The following DLG2 variants were observed in gnomAD, a reference collection of about 807,000 sequenced individuals.
DLG2 encodes disks large homolog 2.
In DLG2, 45 loss-of-function variants were observed where a neutral mutation model predicts 132.5. The ratio of observed to expected loss-of-function variants is 0.34; its 90% CI spans 0.27 to 0.44. DLG2 has a LOEUF of 0.44. Ranked by LOEUF, DLG2 falls within the 20% of genes least tolerant of loss-of-function variation. The pLI, the probability that DLG2 is intolerant of heterozygous loss-of-function variation, is 1.00. For synonymous variants in DLG2, 424 were observed against 419.6 expected, an observed-to-expected ratio of 1.01 and a Z score of -0.13; for missense variants, 1,045 against 1,196.9, an observed-to-expected ratio of 0.87 and a Z score of 1.87.
chr11:85,166,778 C>G (rs1056470178), intron 4 of DLG2, among the ~76,000 whole-genome samples: 2 of 152,050 alleles, frequency 1.3e-5, no homozygotes, highest in Non-Finnish European at 2.9e-5. Context: ...AAAGTGAATG[C>G]CCATAGATAT....
intron 22 of DLG2, chr11:83,480,551 A>T (rs2093018338): frequency 2.6e-6 from 4 of 1,536,010 alleles, no homozygotes; most frequent in Non-Finnish European, 3.5e-6. Context: ...TGCATTAAGA[A>T]AACTCAGATA....
chr11:85,302,742 A>T (rs1226076904), intron 3 of DLG2, among the ~76,000 whole-genome samples: 1 of 152,100 alleles, frequency 6.6e-6, no homozygotes, highest in Non-Finnish European at 1.5e-5. Context: ...AGTAGAGATG[A>T]GATTTGGGAG....
chr11:83,679,207 C>T (rs1296782795), intron 18 of DLG2, among the ~76,000 whole-genome samples: 2 of 152,046 alleles, frequency 1.3e-5, no homozygotes, highest in African/African-American at 2.4e-5. Flanking sequence ...CATTTGATAA[C>T]GGAAAGCAAA....
At chr11:85,162,670 G>T (rs187043810) in intron 4 of DLG2, among the ~76,000 whole-genome samples, 23 of 152,282 alleles carry the variant, frequency 1.5e-4, no homozygotes, top group African/African-American at 4.8e-4. Flanking sequence ...TTATGTAGTA[G>T]TATTTGGGTT....
chr11:83,761,899 A>G (rs546156551), intron 18 of DLG2, among the ~76,000 whole-genome samples: 2 of 152,270 alleles, frequency 1.3e-5, no homozygotes, highest in Admixed American at 6.5e-5. Flanking sequence ...TTTCCCTTCC[A>G]GTTCTTACTT....
intron 18 of DLG2, among the ~76,000 whole-genome samples, chr11:83,704,549 G>A (rs941183356): frequency 6.6e-6 from 1 of 151,786 alleles, no homozygotes; most frequent in African/African-American, 2.4e-5. Flanking sequence ...GACTGAGGTG[G>A]CTCATACCTG....
chr11:83,817,307 T>C (rs1440416915), intron 17 of DLG2, among the ~76,000 whole-genome samples: 3 of 152,116 alleles, frequency 2.0e-5, no homozygotes, highest in Admixed American at 6.6e-5. Flanking sequence ...TTAGAGAATA[T>C]AACAATCTAA....
chr11:83,612,936 GTA>G (rs1326721314), intron 19 of DLG2, among the ~76,000 whole-genome samples: 2 of 152,162 alleles, frequency 1.3e-5, no homozygotes, highest in Non-Finnish European at 2.9e-5. Flanking sequence ...AGAGCAGTGG[GTA>G]TGTTTTAAAT....
intron 3 of DLG2, among the ~76,000 whole-genome samples, chr11:85,522,143 T>C (rs1051845717): frequency 3.9e-5 from 6 of 152,180 alleles, no homozygotes; most frequent in Admixed American, 2.0e-4. Flanking sequence ...TCTTGCTGTA[T>C]ACAGTCTCAG....
chr11:84,992,842 T>A (rs1278522317), intron 6 of DLG2, among the ~76,000 whole-genome samples: 2 of 152,178 alleles, frequency 1.3e-5, no homozygotes, highest in East Asian at 3.8e-4. Flanking sequence ...CTGTAGGTTG[T>A]CTGTCATTGT....
At chr11:83,975,675 T>C (rs2092098164) in intron 12 of DLG2, among the ~76,000 whole-genome samples, 1 of 151,786 alleles carries the variant, frequency 6.6e-6, no homozygotes, top group Non-Finnish European at 1.5e-5. Flanking sequence ...AGAAGATAAA[T>C]GAATATGTGA....
At chr11:83,650,015 C>A (rs2069623288) in intron 18 of DLG2, among the ~76,000 whole-genome samples, 1 of 152,054 alleles carries the variant, frequency 6.6e-6, no homozygotes, top group South Asian at 2.1e-4. Flanking sequence ...CCTAGTTATC[C>A]TGATGTTATA....
At chr11:83,986,462 T>C (rs1286517883) in intron 11 of DLG2, among the ~76,000 whole-genome samples, 1 of 148,932 alleles carries the variant, frequency 6.7e-6, no homozygotes, top group Admixed American at 6.7e-5. Flanking sequence ...TCTATCATTG[T>C]TGGACATTTG....
intron 7 of DLG2, among the ~76,000 whole-genome samples, chr11:84,516,948 C>A (rs1264043657): frequency 1.4e-5 from 2 of 144,336 alleles, no homozygotes; most frequent in Admixed American, 7.0e-5. Flanking sequence ...AGAAGAAAAC[C>A]TAGGGGAAAA....
chr11:83,770,667 G>A, intron 18 of DLG2, among the ~76,000 whole-genome samples: 1 of 151,886 alleles, frequency 6.6e-6, no homozygotes, highest in Non-Finnish European at 1.5e-5. Context: ...TATACATTAT[G>A]CTTAAAAGCC....
intron 18 of DLG2, among the ~76,000 whole-genome samples, chr11:83,707,743 GTGTC>G (rs1175933484): frequency 6.6e-6 from 1 of 152,198 alleles, no homozygotes; most frequent in Non-Finnish European, 1.5e-5. Context: ...GATTGGTTGA[GTGTC>G]TGTTCCCTCT....
rs962380618 is a variant in DLG2, at chr11:85,150,010, A to ATTTTTTTTTTTTTTTTTTTTTTTT, written c.282+4522_282+4545dup. On this transcript the variant is annotated intron_variant, in intron 5 of 27. Coordinates refer to ENST00000376104, the MANE Select transcript of DLG2 (RefSeq NM_001142699.3). Reference sequence around the variant, plus strand: ...ATTAACTCAAAAACATCAGTTTTTAATTTTTTTTTTTTTTTTTTTTTTTTT... The same window carrying ATTTTTTTTTTTTTTTTTTTTTTTT: ...ATTAACTCAAAAACATCAGTTTTTAATTTTTTTTTTTTTTTTTTTTTTTTTTTTTTTTTTTTTTTTTTTTTTTTT... Among the ~76,000 whole-genome samples the ATTTTTTTTTTTTTTTTTTTTTTTT allele has an allele frequency of 5.5e-4, 62 of 112,304 alleles. 8 individuals carry two copies. Among genetic ancestry groups the ATTTTTTTTTTTTTTTTTTTTTTTT allele is most frequent in the African/African-American group, 2.1e-3 (56 of 26,096 alleles). The allele number at this position is 112,304 out of a possible 152,430, so 73.7% of individuals were successfully genotyped here.
intron 15 of DLG2, among the ~76,000 whole-genome samples, chr11:83,906,071 CTCTCTCTCTCTA>C (rs1302289964): frequency 1.6e-4 from 17 of 105,872 alleles, no homozygotes; most frequent in Admixed American, 3.7e-4. Context: ...CTCTCTCTCT[CTCTCTCTCTCTA>C]TATATATATA....
chr11:85,426,987 C>T (rs2090801546), intron 3 of DLG2, among the ~76,000 whole-genome samples: 1 of 152,118 alleles, frequency 6.6e-6, no homozygotes, highest in Non-Finnish European at 1.5e-5. Flanking sequence ...AATGCACAAG[C>T]CTCAGTAGCC....
Sources: gnomAD v4.1 joint callset for allele counts (sites outside exome capture counted in the v4.1 genomes callset) on GRCh38, gnomAD v4.1.1 for gene constraint, MANE v1.5 for transcripts, NCBI Gene and HGNC (gene_info 2026-07-23, HGNC 2026-07-21) for gene names.